The following MUC5AC variants were observed in gnomAD, a reference collection of about 807,000 sequenced individuals.
MUC5AC encodes the protein mucin-5AC.
In MUC5AC, 158 loss-of-function variants were observed where a neutral mutation model predicts 169.7. The ratio of observed to expected loss-of-function variants is 0.93; its 90% CI spans 0.82 to 1.06. The LOEUF (loss-of-function observed/expected upper bound fraction) is 1.06, where lower values mean the gene tolerates loss of function less well. Ranked by LOEUF, MUC5AC falls within the 50% of genes least tolerant of loss-of-function variation. The pLI is 0.00. For missense variants in MUC5AC, 4,359 were observed against 3,089.9 expected, an observed-to-expected ratio of 1.41 and a Z score of -9.74; for synonymous variants, 1,975 against 1,237.0, an observed-to-expected ratio of 1.60 and a Z score of -12.52.
In MUC5AC at chr11:1,162,585, A is replaced by G; in HGVS notation, c.527A>G (p.Tyr176Cys). 6.2e-7 allele frequency: 1 copy of G among 1,612,684 alleles called. No homozygotes were observed. The highest frequency in any genetic ancestry group is 8.5e-7 in the Non-Finnish European group (1 of 1,179,848). ...GTCCTCATTCAGCAGAGCAGCAGCTACACCAAGGTGGAGGCCAGGCTGGGC... is the reference window on the plus strand; with the variant it reads ...GTCCTCATTCAGCAGAGCAGCAGCTGCACCAAGGTGGAGGCCAGGCTGGGC... ...SGVLIQQSSS[Y>C]TKVEARLGLV... is the part of the protein sequence containing the mutation. The change falls in exon 5 of 49, where the codon TAC becomes TGC. Residue 176 changes from tyrosine (Y) to cysteine (C), a missense_variant. Coordinates refer to ENST00000621226, the MANE Select transcript of MUC5AC (RefSeq NM_001304359.2).
At position 1,189,004 on chromosome 11, in the gene MUC5AC, C is replaced by T. The variant is rs1391736445; in HGVS notation, c.10859C>T (p.Thr3620Ile). 364 of 675,954 alleles carry T rather than the reference C, an allele frequency of 5.4e-4. 3 individuals carry two copies. The African/African-American group carries it at 5.8e-3, about 11-fold the overall frequency. The allele number at this position is 675,954 out of a possible 1,614,324, so 41.9% of individuals were successfully genotyped here. The stretch of plus-strand genomic sequence containing the variant: ...GAGGTGCGTGTGCTTTGCTGCGAGA[C>T]CCCCAAAGGCTGCCCCGTGACCTCC... ...NYEVRVLCCETPKGCPVTSTS... is the reference protein window; with the variant it reads ...NYEVRVLCCEIPKGCPVTSTS... Residue 3620 changes from threonine to isoleucine, a missense_variant, in exon 31 of 49, where the codon ACC becomes ATC. Thr to Ile is a moderately conservative substitution (Grantham distance 89). Transcript: ENST00000621226.
Position 1,188,429 on chromosome 11 carries a change from C to G in MUC5AC, c.10284C>G (p.Thr3428=). The G allele has an allele frequency of 1.6e-6, 1 of 631,440 alleles. No homozygotes were observed. The highest frequency in any genetic ancestry group is 2.2e-5 in the Admixed American group (1 of 45,902). 39.1% of individuals were successfully genotyped at this position (631,440 alleles called of 1,614,324 possible). The change falls in exon 31 of 49, where the codon ACC becomes ACG. Residue 3428 remains threonine, a synonymous_variant. Coordinates refer to ENST00000621226, the MANE Select transcript of MUC5AC (RefSeq NM_001304359.2). The part of the protein sequence containing the change: ...PTSSTISART[T]SIISAPTTST... ...GCAGCACAATCTCTGCTCGTACAAC[C>G]AGCATAATCTCTGCCCCTACAACCA...
chr11:1,160,808 C>A (rs1860120389), intron 2 of MUC5AC, 119 bp downstream of exon 2: 3 of 1,020,564 alleles, frequency 2.9e-6, no homozygotes, highest in South Asian at 1.5e-5. Flanking sequence ...TGCTGAGGAC[C>A]AAACCTGGGG....
intron 42 of MUC5AC, 79 bp downstream of exon 42, chr11:1,198,083 T>C (rs1367144830): frequency 6.2e-6 from 4 of 643,774 alleles, no homozygotes; most frequent in Non-Finnish European, 1.1e-5. Flanking sequence ...CATAACCAGA[T>C]GCCAGTGCGG....
intron 15 of MUC5AC, among the ~76,000 whole-genome samples, chr11:1,170,378 C>T (rs1269995149): frequency 3.4e-5 from 5 of 145,376 alleles, no homozygotes; most frequent in Non-Finnish European, 6.0e-5. Context: ...CTCACGCGCC[C>T]ACTCACCCAC....
chr11:1,175,367 C>T (rs909257171), intron 19 of MUC5AC, 97 bp downstream of exon 19: 33 of 398,176 alleles, frequency 8.3e-5, no homozygotes, highest in Admixed American at 7.0e-4. Flanking sequence ...CACAAGTCAG[C>T]GGGGCTGGTG....
In MUC5AC at chr11:1,194,237, C is replaced by T. The variant is rs370423403; in HGVS notation, c.14883C>T (p.Leu4961=). The T allele has an allele frequency of 5.4e-5, 41 of 764,794 alleles. No homozygotes were observed. Among genetic ancestry groups the T allele is most frequent in the Non-Finnish European group, 7.4e-5 (31 of 417,834 alleles). 47.4% of individuals were successfully genotyped at this position (764,794 alleles called of 1,614,324 possible). ...CCGTGTATGGCCACTTCCGCGTGCT[C>T]GTCGACAACTACTTCTGCGGTGCGG... ...IVPVYGHFRV[L]VDNYFCGAED... is the part of the protein sequence containing the mutation. Residue 4961 remains leucine (L), a synonymous_variant, in exon 34 of 49, where the codon CTC becomes CTT. Coordinates refer to ENST00000621226, the MANE Select transcript of MUC5AC (RefSeq NM_001304359.2).
intron 48 of MUC5AC, 91 bp from the exon 49 acceptor site, chr11:1,200,347 G>A (rs917402510): frequency 2.6e-5 from 16 of 610,950 alleles, no homozygotes; most frequent in Non-Finnish European, 4.1e-5. Context: ...CAGGGAACAC[G>A]ATGAGGCCGC....
chr11:1,193,829 CG>C (rs1861187117), intron 33 of MUC5AC, among the ~76,000 whole-genome samples, 170 bp downstream of exon 33: 1 of 152,246 alleles, frequency 6.6e-6, no homozygotes, highest in African/African-American at 2.4e-5. Context: ...CGAGCCTCCC[CG>C]CTTAGGGGTG....
rs1861081110 is a variant in MUC5AC at position 1,191,050 on chromosome 11, C to A, written c.12905C>A (p.Thr4302Asn). The A allele has an allele frequency of 1.3e-6, 1 of 751,388 alleles. No individual in the cohort carries two copies. Among genetic ancestry groups the A allele is most frequent in the Non-Finnish European group, 2.4e-6 (1 of 410,770 alleles). 46.5% of individuals were successfully genotyped at this position (751,388 alleles called of 1,614,324 possible). A position where few individuals can be genotyped will look rare whatever the true frequency, so the allele number is the denominator to read the frequency against. The change falls in exon 31 of 49, where the codon ACC (threonine) becomes AAC (asparagine). Residue 4302 changes from threonine (T) to asparagine (N), a missense_variant. Thr to Asn is a moderately conservative substitution (Grantham distance 65). Coordinates refer to ENST00000621226, the MANE Select transcript of MUC5AC (RefSeq NM_001304359.2). Reference protein sequence around the residue: ...GPGTTPSPVPTTSTTSAPTTS... With the variant: ...GPGTTPSPVPNTSTTSAPTTS... ...GGAACTACTCCCAGCCCTGTTCCCA[C>A]CACCAGCACAACCTCTGCTCCTACA...
chr11:1,179,244 C>T lies in MUC5AC; in HGVS notation c.3480C>T (p.Ile1160=). ...GLCVSWRTPS[I]CPLFCDYYNP... The stretch of plus-strand genomic sequence containing the variant: ...GTGTGTCCTGGCGGACCCCGAGCAT[C>T]TGCCGTGAGTGCGAGTGGGCACCTG... The change falls in exon 26 of 49, where the codon ATC becomes ATT. Residue 1160 remains isoleucine (I), a synonymous_variant. Transcript: ENST00000621226. 1.7e-6 allele frequency: 1 copy of T among 584,330 alleles called. No individual in the cohort carries two copies. Among genetic ancestry groups the T allele is most frequent in the Non-Finnish European group, 3.1e-6 (1 of 322,648 alleles). 36.2% of individuals were successfully genotyped at this position (584,330 alleles called of 1,614,324 possible).
chr11:1,199,652 C>T (rs944045996), intron 46 of MUC5AC, 43 bp from the exon 47 acceptor site: 19 of 700,994 alleles, frequency 2.7e-5, no homozygotes, highest in African/African-American at 7.0e-5. Context: ...CTGTGGGGGC[C>T]GCCGAGCGCC....
At position 1,168,922 on chromosome 11, in the gene MUC5AC, T is replaced by G; in HGVS notation, c.1766T>G (p.Val589Gly). The change falls in exon 15 of 49, where the codon GTG becomes GGG. Residue 589 changes from valine to glycine, a missense_variant. Transcript: ENST00000621226. ...ADDFRTLSGVVEATAAAFFNT... is the reference protein window; with the variant it reads ...ADDFRTLSGVGEATAAAFFNT... ...GACTTCCGGACCCTCAGTGGGGTGG[T>G]GGAGGCCACCGCTGCGGCCTTCTTC... 1.2e-6 allele frequency: 2 copies of G among 1,611,216 alleles called. No homozygotes were observed. Among genetic ancestry groups the G allele is most frequent in the Non-Finnish European group, 1.7e-6 (2 of 1,179,056 alleles).
chr11:1,164,021 C>T, intron 7 of MUC5AC, 30 bp downstream of exon 7: 1 of 1,608,086 alleles, frequency 6.2e-7, no homozygotes, highest in South Asian at 1.1e-5. Flanking sequence ...GAGGGCCCAG[C>T]AGGTTGAGCA....
Position 1,163,942 on chromosome 11 carries a change from A to G in MUC5AC, c.740A>G (p.Gln247Arg). 3.1e-6 allele frequency: 5 copies of G among 1,611,452 alleles called. No individual in the cohort carries two copies. Among genetic ancestry groups the G allele is most frequent in the Non-Finnish European group, 4.2e-6 (5 of 1,179,444 alleles). The part of the protein sequence containing the change: ...NLQKMDDPTD[Q>R]CQDPVPEPPR... ...CAGAAGATGGACGACCCCACGGACCAGTGTCAGGACCCTGTCCCTGAACCC... is the reference window on the plus strand; with the variant it reads ...CAGAAGATGGACGACCCCACGGACCGGTGTCAGGACCCTGTCCCTGAACCC... The change falls in exon 7 of 49, where the codon CAG becomes CGG. Residue 247 changes from glutamine to arginine, a missense_variant. Gln to Arg is a conservative substitution (Grantham distance 43). Transcript: ENST00000621226.
Position 1,193,558 on chromosome 11 carries a change from C to A in MUC5AC, c.14654C>A (p.Pro4885Gln), listed in dbSNP as rs531555489. 1 of 764,356 alleles carries A rather than the reference C, an allele frequency of 1.3e-6. No homozygotes were observed. The highest frequency in any genetic ancestry group is 2.4e-5 in the East Asian group (1 of 41,222). The allele number at this position is 764,356 out of a possible 1,614,324, so 47.3% of individuals were successfully genotyped here. ...GGCAACAACGTCATCTCCCTGCGCC[C>A]GCGCACGTGCCCGAGGGTGGAGAAG... ...CEGNNVISLR[P>Q]RTCPRVEKPT... is the part of the protein sequence containing the mutation. The change falls in exon 33 of 49, where the codon CCG becomes CAG. Residue 4885 changes from proline (P) to glutamine (Q), a missense_variant. Coordinates refer to ENST00000621226, the MANE Select transcript of MUC5AC (RefSeq NM_001304359.2).
chr11:1,200,917 C>T lies in MUC5AC; in HGVS notation c.*215C>T. 1 of 458,626 alleles carries T rather than the reference C, an allele frequency of 2.2e-6. No individual in the cohort carries two copies. The highest frequency in any genetic ancestry group is 3.2e-5 in the East Asian group (1 of 30,794). 28.4% of individuals were successfully genotyped at this position (458,626 alleles called of 1,614,324 possible). A position where few individuals can be genotyped will look rare whatever the true frequency, so the allele number is the denominator to read the frequency against. Reference sequence around the variant, plus strand: ...CCCCGCCTGCAGCCACCTCTCAGGACCAGCCCCGGGGCTGGCCGAGCTCCT... The same window carrying T: ...CCCCGCCTGCAGCCACCTCTCAGGATCAGCCCCGGGGCTGGCCGAGCTCCT... On this transcript the variant is annotated 3_prime_UTR_variant, in exon 49 of 49. Coordinates refer to ENST00000621226, the MANE Select transcript of MUC5AC (RefSeq NM_001304359.2).
intron 5 of MUC5AC, 145 bp from the exon 6 acceptor site, chr11:1,162,810 C>A: frequency 2.0e-6 from 2 of 981,334 alleles, no homozygotes; most frequent in South Asian, 1.4e-5. Flanking sequence ...AATGGTGTCC[C>A]GGGGTCTGTG....
intron 16 of MUC5AC, among the ~76,000 whole-genome samples, chr11:1,173,524 C>A (rs1463383537): frequency 6.7e-6 from 1 of 149,852 alleles, no homozygotes; most frequent in African/African-American, 2.5e-5. Context: ...CCTTCACTCA[C>A]TCATTCACTC....
Sources: gnomAD v4.1 joint callset for allele counts (sites outside exome capture counted in the v4.1 genomes callset) on GRCh38, gnomAD v4.1.1 for gene constraint, MANE v1.5 for transcripts, NCBI Gene and HGNC (gene_info 2026-07-23, HGNC 2026-07-21) for gene names.